Variants in NOLC1 observed in about 807,000 individuals in gnomAD.
NOLC1 encodes the protein 140 kDa nucleolar phosphoprotein.
NOLC1 carries 37 observed loss-of-function variants against 73.4 expected under a neutral mutation model. The ratio of observed to expected loss-of-function variants is 0.50; its 90% CI spans 0.39 to 0.66. The LOEUF (loss-of-function observed/expected upper bound fraction) is 0.66. NOLC1 is among the 30% of genes least tolerant of loss of function. NOLC1 has a pLI of 0.00. For missense variants in NOLC1, 921 were observed against 838.9 expected, an observed-to-expected ratio of 1.10 and a Z score of -1.21; for synonymous variants, 327 against 302.6, an observed-to-expected ratio of 1.08 and a Z score of -0.84.
chr10:102,161,164 TAGGGTAGTGAGAGG>T, intron 10 of NOLC1, 71 bp downstream of exon 10: 1 of 1,471,062 alleles, frequency 6.8e-7, no homozygotes. Context: ...TCTTTGAGAG[TAGGGTAGTGAGAGG>T]AGGCCCACCA....
chr10:102,156,174 C>T (rs1218883437), intron 1 of NOLC1, among the ~76,000 whole-genome samples: 1 of 152,228 alleles, frequency 6.6e-6, no homozygotes, highest in Non-Finnish European at 1.5e-5. Context: ...GTATTATAAT[C>T]CACATTGCAG....
In NOLC1 at chr10:102,161,900, T is replaced by C; in HGVS notation, c.1916T>C (p.Val639Ala). ...GAGGAAATTGAGGTGGATTCACGAG[T>C]TGCGGACAACTCCTTTGATGCCAAG... is the stretch of plus-strand genomic sequence containing the variant. ...REEEIEVDSR[V>A]ADNSFDAKRG... is the part of the protein sequence containing the mutation. Residue 639 changes from valine to alanine, a missense_variant, in exon 12 of 13, where the codon GTT becomes GCT. By Grantham distance (64) the Val-to-Ala change is moderately conservative (BLOSUM62 0). Coordinates refer to ENST00000605788, the MANE Select transcript of NOLC1 (RefSeq NM_004741.5). 1 of 1,614,064 alleles carries C rather than the reference T, an allele frequency of 6.2e-7. No homozygotes were observed. The highest frequency in any genetic ancestry group is 8.5e-7 in the Non-Finnish European group (1 of 1,180,012).
chr10:102,160,938 A>G lies in NOLC1; in HGVS notation c.1586A>G (p.Glu529Gly). Residue 529 changes from glutamate (E) to glycine (G), a missense_variant, in exon 10 of 13, where the codon GAG becomes GGG. Coordinates refer to ENST00000605788, the MANE Select transcript of NOLC1 (RefSeq NM_004741.5). ...TCTTCTGATGACTCCAGTGAGGAAG[A>G]GGAAGAGAAGCTCAAGGGCAAGGGC... Reference protein sequence around the residue: ...SSSSDDSSEEEEEKLKGKGSP... With the variant: ...SSSSDDSSEEGEEKLKGKGSP... 6.2e-7 allele frequency: 1 copy of G among 1,614,230 alleles called. No homozygotes were observed. Among genetic ancestry groups the G allele is most frequent in the Non-Finnish European group, 8.5e-7 (1 of 1,180,042 alleles).
chr10:102,152,626 C>A, intron 1 of NOLC1, 96 bp downstream of exon 1: 1 of 1,549,556 alleles, frequency 6.5e-7, no homozygotes, highest in South Asian at 1.2e-5. Context: ...GTCTGGGGGT[C>A]CGCCAGTCCA....
intron 1 of NOLC1, among the ~76,000 whole-genome samples, chr10:102,153,672 C>CTTTTT (rs56074108): frequency 3.4e-5 from 3 of 88,178 alleles, no homozygotes; most frequent in Non-Finnish European, 4.7e-5. Context: ...AATTAGGATT[C>CTTTTT]TTTTTTTTTT....
chr10:102,159,047 A>G (rs905633186), intron 5 of NOLC1, 146 bp from the exon 6 acceptor site: 3 of 909,554 alleles, frequency 3.3e-6, no homozygotes, highest in African/African-American at 1.8e-5. Context: ...CAACAGAGCC[A>G]GAGCCAGACT....
chr10:102,152,567 T>C (rs1490285684), intron 1 of NOLC1, 37 bp downstream of exon 1: 1 of 1,611,944 alleles, frequency 6.2e-7, no homozygotes, highest in Non-Finnish European at 8.5e-7. Flanking sequence ...CGGGCTGAGA[T>C]GACCACAAGG....
At chr10:102,160,158 CTT>C (rs2069675591) in intron 8 of NOLC1, 73 bp from the exon 9 acceptor site, 6 of 1,591,464 alleles carry the variant, frequency 3.8e-6, no homozygotes, top group Non-Finnish European at 5.2e-6. Flanking sequence ...CTGTGCGTGT[CTT>C]TGCATTCTTT....
At position 102,159,414 on chromosome 10, in the gene NOLC1, A is replaced by T; in HGVS notation, c.724-19A>T. ...GGGTCAGCATTTTCCTGTGGTAATCAATTTTCTTTCTAATGCAGACTGTAC... is the reference window on the plus strand; with the variant it reads ...GGGTCAGCATTTTCCTGTGGTAATCTATTTTCTTTCTAATGCAGACTGTAC... On this transcript the variant is annotated intron_variant, in intron 6 of 12. Coordinates refer to ENST00000605788, the MANE Select transcript of NOLC1 (RefSeq NM_004741.5). The T allele has an allele frequency of 6.2e-7, 1 of 1,613,946 alleles. No homozygotes were observed. The highest frequency in any genetic ancestry group is 8.5e-7 in the Non-Finnish European group (1 of 1,179,954).
chr10:102,159,701 CA>C, intron 7 of NOLC1, 133 bp downstream of exon 7: 17 of 1,135,834 alleles, frequency 1.5e-5, no homozygotes, highest in Non-Finnish European at 2.1e-5. Context: ...ACTAGTGATC[CA>C]GGAAAGCAAG....
rs1564972751 is a variant in NOLC1, at chr10:102,161,536, T to C, written c.1742-20T>C. ...TGTGAGCCACTGTACTCGGCCTGAGTCTGGCTTTTTGTTTTGTAGGTTCAT... is the reference window on the plus strand; with the variant it reads ...TGTGAGCCACTGTACTCGGCCTGAGCCTGGCTTTTTGTTTTGTAGGTTCAT... On this transcript the variant is annotated intron_variant, in intron 10 of 12. Coordinates refer to ENST00000605788, the MANE Select transcript of NOLC1 (RefSeq NM_004741.5). The C allele has an allele frequency of 1.3e-6, 2 of 1,599,642 alleles. No homozygotes were observed. Among genetic ancestry groups the C allele is most frequent in the Non-Finnish European group, 1.7e-6 (2 of 1,167,660 alleles).
In NOLC1 at chr10:102,156,934, G is replaced by A. The variant is rs974064789; in HGVS notation, c.121-85G>A. 1.9e-5 allele frequency: 23 copies of A among 1,240,666 alleles called. 1 individual carries two copies. The Admixed American group carries it at 2.5e-4, about 13-fold the overall frequency. The allele number at this position is 1,240,666 out of a possible 1,614,324, so 76.9% of individuals were successfully genotyped here. ...AGATGTAACATTTATACCAAATTTAGTAATTATGTATGTAACAGGCCACAT... is the reference window on the plus strand; with the variant it reads ...AGATGTAACATTTATACCAAATTTAATAATTATGTATGTAACAGGCCACAT... On this transcript the variant is annotated intron_variant, in intron 1 of 12. Coordinates refer to ENST00000605788, the MANE Select transcript of NOLC1 (RefSeq NM_004741.5).
Position 102,155,022 on chromosome 10 carries a change from ATTT to A in NOLC1, c.121-1980_121-1978del, listed in dbSNP as rs34034390. Among the ~76,000 whole-genome samples the A allele has an allele frequency of 2.4e-4, 32 of 131,214 alleles. 1 individual carries two copies. Among genetic ancestry groups the A allele is most frequent in the African/African-American group, 4.0e-4 (14 of 35,258 alleles). 86.1% of individuals were successfully genotyped at this position (131,214 alleles called of 152,430 possible). A position where few individuals can be genotyped will look rare whatever the true frequency, so the allele number is the denominator to read the frequency against. ...AGACATGTACCACCACACCTGGCTAATTTTTTTTTTTTTTTTTTTGTGACAGTT... is the reference window on the plus strand; with the variant it reads ...AGACATGTACCACCACACCTGGCTAATTTTTTTTTTTTTTTTGTGACAGTT... On this transcript the variant is annotated intron_variant, in intron 1 of 12. Coordinates refer to ENST00000605788, the MANE Select transcript of NOLC1 (RefSeq NM_004741.5).
rs575325739 is a variant in NOLC1 at position 102,163,342 on chromosome 10, G to A, written c.*1073G>A. On this transcript the variant is annotated 3_prime_UTR_variant, in exon 13 of 13. Coordinates refer to ENST00000605788, the MANE Select transcript of NOLC1 (RefSeq NM_004741.5). ...GGTAATCTATGTATGTGCTAATGGG[G>A]TTGGAAAGAACCTTACAGAGCATAT... 1.5e-4 allele frequency: 23 copies of A among 152,320 alleles called. No homozygotes were observed. The highest frequency in any genetic ancestry group is 2.4e-4 in the Non-Finnish European group (16 of 68,020). 9.4% of individuals were successfully genotyped at this position (152,320 alleles called of 1,614,324 possible).
chr10:102,152,581 C>CA, intron 1 of NOLC1, 51 bp downstream of exon 1: 1 of 1,609,468 alleles, frequency 6.2e-7, no homozygotes, highest in East Asian at 2.2e-5. Flanking sequence ...CACAAGGCTT[C>CA]AGGCCCTGAC....
In NOLC1 at chr10:102,161,897, G is replaced by T. The variant is rs1394654404; in HGVS notation, c.1913G>T (p.Arg638Leu). 6.2e-7 allele frequency: 1 copy of T among 1,613,998 alleles called. No individual in the cohort carries two copies. The highest frequency in any genetic ancestry group is 1.3e-5 in the African/African-American group (1 of 74,920). ...GAGGAGGAAATTGAGGTGGATTCACGAGTTGCGGACAACTCCTTTGATGCC... is the reference window on the plus strand; with the variant it reads ...GAGGAGGAAATTGAGGTGGATTCACTAGTTGCGGACAACTCCTTTGATGCC... ...VREEEIEVDS[R>L]VADNSFDAKR... The change falls in exon 12 of 13, where the codon CGA becomes CTA. Residue 638 changes from arginine to leucine, a missense_variant. By Grantham distance (102) the Arg-to-Leu change is moderately radical. Transcript: ENST00000605788.
chr10:102,162,859 A>C lies in NOLC1; in HGVS notation c.*590A>C, dbSNP rs1200672433. ...TATTGGGTCTGGGACTGAAGTTTTT[A>C]GCCAGCATGGACCTAACCTACTTTT... On this transcript the variant is annotated 3_prime_UTR_variant, in exon 13 of 13. Coordinates refer to ENST00000605788, the MANE Select transcript of NOLC1 (RefSeq NM_004741.5). 6.6e-6 allele frequency: 1 copy of C among 152,242 alleles called. No homozygotes were observed. Among genetic ancestry groups the C allele is most frequent in the Non-Finnish European group, 1.5e-5 (1 of 68,056 alleles). 9.4% of individuals were successfully genotyped at this position (152,242 alleles called of 1,614,324 possible).
At chr10:102,159,121 T>C in intron 5 of NOLC1, 72 bp from the exon 6 acceptor site, 1 of 1,157,098 alleles carries the variant, frequency 8.6e-7, no homozygotes. Flanking sequence ...TCTCTGCTCA[T>C]AGGAAGGAGG....
chr10:102,155,895 C>T (rs2069586344), intron 1 of NOLC1, among the ~76,000 whole-genome samples: 1 of 151,780 alleles, frequency 6.6e-6, no homozygotes, highest in Admixed American at 6.6e-5. Flanking sequence ...CTTGGTCTGT[C>T]GCACAGGCTG....
Sources: allele counts gnomAD v4.1 joint callset (sites outside exome capture counted in the v4.1 genomes callset), GRCh38; gene constraint gnomAD v4.1.1; transcripts MANE v1.5; gene names NCBI Gene and HGNC (gene_info 2026-07-23, HGNC 2026-07-21).